The following SEC24B variants were observed in gnomAD, a reference collection of about 807,000 sequenced individuals.
SEC24B encodes the protein protein transport protein Sec24B.
In SEC24B, 45 loss-of-function variants were observed where a neutral mutation model predicts 142.8. That is an observed-to-expected ratio of 0.32 (90% CI 0.25 to 0.40). The LOEUF (loss-of-function observed/expected upper bound fraction) is 0.40. Among genes scored for constraint, SEC24B ranks in the 10% least tolerant of loss-of-function variants. The probability of loss-of-function intolerance (pLI) is 1.00; values close to 1 mark genes in which losing one functional copy is unlikely to be tolerated. For synonymous variants in SEC24B, 574 were observed against 568.2 expected (o/e 1.01, Z -0.15); for missense variants, 1,409 against 1,526.8 (o/e 0.92, Z 1.29).
At chr4:109,530,214 C>A (rs1456317958) in intron 18 of SEC24B, 75 bp from the exon 19 acceptor site, 2 of 1,257,906 alleles carry the variant, frequency 1.6e-6, no homozygotes, top group East Asian at 2.4e-5. Flanking sequence ...TTAAATAATG[C>A]GTATAAATTT....
chr4:109,448,038 C>G (rs57705376), intron 1 of SEC24B, among the ~76,000 whole-genome samples: 17,983 of 152,156 alleles, frequency 0.12, 3,534 homozygotes, highest in African/African-American at 0.41. Flanking sequence ...CCCTCTGACT[C>G]TCTTCTACCT....
chr4:109,521,423 A>G lies in SEC24B; in HGVS notation c.2305A>G (p.Ile769Val). ...TTTTTGATCTTTGTTTTCTCAGCTT[A>G]TAAAAGACTTACTGAATGCATTACC... Reference protein sequence around the residue: ...LVNLYESKELIKDLLNALPNM... With the variant: ...LVNLYESKELVKDLLNALPNM... The change falls in exon 14 of 24, where the codon ATA becomes GTA. Residue 769 changes from isoleucine (I) to valine (V), a missense_variant. By Grantham distance (29) the Ile-to-Val change is conservative. This residue lies in a region of SEC24B where 700 missense variants were observed against 853.3 expected (regional missense o/e 0.82). Coordinates refer to ENST00000265175, the MANE Select transcript of SEC24B (RefSeq NM_006323.5). The G allele has an allele frequency of 2.5e-6, 4 of 1,612,842 alleles. No homozygotes were observed. Among genetic ancestry groups the G allele is most frequent in the Non-Finnish European group, 3.4e-6 (4 of 1,179,126 alleles).
chr4:109,499,501 T>C (rs1468758581), intron 6 of SEC24B, among the ~76,000 whole-genome samples: 1 of 152,136 alleles, frequency 6.6e-6, no homozygotes, highest in Non-Finnish European at 1.5e-5. Flanking sequence ...TGTGTGTGTA[T>C]ATACACACAC....
chr4:109,464,065 T>C (rs1422572599), intron 2 of SEC24B, among the ~76,000 whole-genome samples: 1 of 152,198 alleles, frequency 6.6e-6, no homozygotes. Flanking sequence ...TTTGCAGCAG[T>C]GCACTGGTTT....
chr4:109,509,878 T>C, intron 7 of SEC24B, 131 bp from the exon 8 acceptor site: 1 of 531,730 alleles, frequency 1.9e-6, no homozygotes, highest in Non-Finnish European at 3.3e-6. Context: ...CAGGACCTTC[T>C]TGCTTACAGT....
chr4:109,522,424 A>T (rs1374353875), intron 14 of SEC24B, among the ~76,000 whole-genome samples: 1 of 152,182 alleles, frequency 6.6e-6, no homozygotes, highest in Non-Finnish European at 1.5e-5. Context: ...AAGTCATAGA[A>T]ATTTAGAAAT....
At chr4:109,454,429 C>T (rs1393156813) in intron 1 of SEC24B, among the ~76,000 whole-genome samples, 3 of 151,662 alleles carry the variant, frequency 2.0e-5, no homozygotes, top group African/African-American at 7.3e-5. Flanking sequence ...TTCCCAACTA[C>T]TAGGGAAAGT....
At chr4:109,477,103 C>T (rs1182143085) in intron 3 of SEC24B, among the ~76,000 whole-genome samples, 1 of 139,724 alleles carries the variant, frequency 7.2e-6, no homozygotes. Context: ...CGCCACTGCA[C>T]TCCAGCCTGG....
At chr4:109,435,153 A>G (rs1411994951) in intron 1 of SEC24B, among the ~76,000 whole-genome samples, 1 of 152,232 alleles carries the variant, frequency 6.6e-6, no homozygotes, top group Non-Finnish European at 1.5e-5. Flanking sequence ...AAGTTTTACA[A>G]CTGATGCTTT....
At chr4:109,501,810 T>G (rs1333566473) in intron 6 of SEC24B, among the ~76,000 whole-genome samples, 2 of 152,174 alleles carry the variant, frequency 1.3e-5, no homozygotes, top group African/African-American at 4.8e-5. Flanking sequence ...TTCTCTCTAC[T>G]CAATAGAAGT....
chr4:109,453,034 G>A (rs1168037194), intron 1 of SEC24B, among the ~76,000 whole-genome samples: 1 of 152,092 alleles, frequency 6.6e-6, no homozygotes, highest in African/African-American at 2.4e-5. Flanking sequence ...TGGGTATCTG[G>A]GGGAGACATC....
At chr4:109,503,306 C>T (rs1736355845) in intron 6 of SEC24B, among the ~76,000 whole-genome samples, 2 of 151,882 alleles carry the variant, frequency 1.3e-5, no homozygotes, top group African/African-American at 4.8e-5. Context: ...TCACTGCAAC[C>T]TCTGCCTTCC....
At chr4:109,443,665 T>C (rs1315240685) in intron 1 of SEC24B, among the ~76,000 whole-genome samples, 1 of 152,174 alleles carries the variant, frequency 6.6e-6, no homozygotes, top group African/African-American at 2.4e-5. Flanking sequence ...TCTGTACCCC[T>C]CAGTAAAAGA....
chr4:109,531,006 G>C (rs113271744), intron 19 of SEC24B, among the ~76,000 whole-genome samples: 12 of 151,872 alleles, frequency 7.9e-5, no homozygotes, highest in African/African-American at 2.9e-4. Flanking sequence ...TGTGTGAGCA[G>C]TTTGCATAAT....
intron 11 of SEC24B, among the ~76,000 whole-genome samples, chr4:109,519,986 A>G (rs1158161436): frequency 2.0e-5 from 3 of 152,198 alleles, no homozygotes; most frequent in Non-Finnish European, 2.9e-5. Flanking sequence ...ACTTTTGAAA[A>G]CAGCTCTAAC....
chr4:109,503,494 G>A (rs948158200), intron 6 of SEC24B, among the ~76,000 whole-genome samples: 1 of 152,088 alleles, frequency 6.6e-6, no homozygotes, highest in Non-Finnish European at 1.5e-5. Flanking sequence ...AAAGTGCTGG[G>A]ATTACAGGCA....
Position 109,532,750 on chromosome 4 carries a change from A to G in SEC24B, c.3495+7A>G, listed in dbSNP as rs10025847. 3 of 1,383,226 alleles carry G rather than the reference A, an allele frequency of 2.2e-6. No homozygotes were observed. Among genetic ancestry groups the G allele is most frequent in the Non-Finnish European group, 3.1e-6 (3 of 969,998 alleles). 85.7% of individuals were successfully genotyped at this position (1,383,226 alleles called of 1,614,324 possible). ...CCTTATGGACTGTGGCTCTGTAAGCACCCTTTACTGGCAAAGCTTAACACT... is the reference window on the plus strand; with the variant it reads ...CCTTATGGACTGTGGCTCTGTAAGCGCCCTTTACTGGCAAAGCTTAACACT... On this transcript the variant is annotated splice_region_variant and intron_variant, in intron 21 of 23. Transcript: ENST00000265175.
intron 4 of SEC24B, among the ~76,000 whole-genome samples, chr4:109,484,625 C>T (rs1329576667): frequency 1.3e-5 from 2 of 151,986 alleles, no homozygotes; most frequent in Admixed American, 1.3e-4. Flanking sequence ...CCAAGGCAGG[C>T]GGATCACCTG....
At chr4:109,499,736 T>TA (rs1735913529) in intron 6 of SEC24B, among the ~76,000 whole-genome samples, 2 of 152,248 alleles carry the variant, frequency 1.3e-5, no homozygotes, top group Admixed American at 1.3e-4. Context: ...CTTCGAGTCA[T>TA]ATAAAAGTAT....
Sources: gnomAD v4.1 joint callset for allele counts (sites outside exome capture counted in the v4.1 genomes callset) on GRCh38, gnomAD v4.1.1 for gene constraint, gnomAD v4.1.1 regional missense constraint, MANE v1.5 for transcripts, NCBI Gene and HGNC (gene_info 2026-07-23, HGNC 2026-07-21) for gene names.